MAP3K4: variants seen among roughly 807,000 people sequenced by gnomAD.
MAP3K4 encodes mitogen-activated protein kinase kinase kinase 4.
Under a neutral mutation model 185.6 loss-of-function variants are expected in MAP3K4, and 67 were observed. The observed-to-expected ratio is 0.36, with a 90% CI of 0.30 to 0.44. The LOEUF is 0.44. Ranked by LOEUF, MAP3K4 falls within the 20% of genes least tolerant of loss-of-function variation. The pLI is 1.00. For synonymous variants in MAP3K4, 702 were observed against 710.4 expected, an observed-to-expected ratio of 0.99 and a Z score of 0.19; for missense variants, 1,551 against 1,995.1, an observed-to-expected ratio of 0.78 and a Z score of 4.24.
In MAP3K4 at chr6:161,064,898, C is replaced by T. The variant is rs1422850483; in HGVS notation, c.1708-5710C>T. Among the ~76,000 whole-genome samples the T allele has an allele frequency of 1.3e-5, 2 of 152,132 alleles. No homozygotes were observed. Among genetic ancestry groups the T allele is most frequent in the Non-Finnish European group, 2.9e-5 (2 of 68,024 alleles). On this transcript the variant is annotated intron_variant, in intron 3 of 26. Coordinates refer to ENST00000392142, the MANE Select transcript of MAP3K4 (RefSeq NM_005922.4). This position sits in a 1 kb window ranked among gnomAD's most constrained non-coding sequence, Gnocchi z 4.3. Reference sequence around the variant, plus strand: ...GGGAGAGAGGGAGGGACCCATGGGCCAATGCCTTCGTGGAGTCCAAGGTAT... The same window carrying T: ...GGGAGAGAGGGAGGGACCCATGGGCTAATGCCTTCGTGGAGTCCAAGGTAT...
At chr6:161,059,142 AT>A (rs140627063) in intron 3 of MAP3K4, among the ~76,000 whole-genome samples, 21 of 150,038 alleles carry the variant, frequency 1.4e-4, no homozygotes, top group African/African-American at 4.9e-4. Context: ...TGATTGATTG[AT>A]TTTTTTTTTT....
At chr6:160,992,429 A>G (rs1295612131) in intron 1 of MAP3K4, 4 of 360,316 alleles carry the variant, frequency 1.1e-5, no homozygotes, top group Non-Finnish European at 2.0e-5. Flanking sequence ...GGCCTCACTG[A>G]AGTGCCTCTC....
chr6:161,016,595 T>G (rs1349031122), intron 1 of MAP3K4, among the ~76,000 whole-genome samples: 1 of 152,244 alleles, frequency 6.6e-6, no homozygotes, highest in Non-Finnish European at 1.5e-5. Context: ...TTAAAAAGAC[T>G]GTCCTTTTCC....
Position 161,086,729 on chromosome 6 carries a change from C to A in MAP3K4, c.2556+62C>A. The stretch of plus-strand genomic sequence containing the variant: ...CTTTCCTTCTTTATTCTAAAACAGG[C>A]AGACTTTTTCTTGAAGGTCCAGATA... On this transcript the variant is annotated intron_variant, in intron 9 of 26. Transcript: ENST00000392142. This position sits in a 1 kb window ranked among gnomAD's most constrained non-coding sequence, Gnocchi z 4.8. 7.3e-7 allele frequency: 1 copy of A among 1,367,058 alleles called. No individual in the cohort carries two copies. The highest frequency in any genetic ancestry group is 1.3e-5 in the South Asian group (1 of 79,464). The allele number at this position is 1,367,058 out of a possible 1,614,324, so 84.7% of individuals were successfully genotyped here. A position where few individuals can be genotyped will look rare whatever the true frequency, so the allele number is the denominator to read the frequency against.
Position 161,073,764 on chromosome 6 carries a change from T to A in MAP3K4, c.2097+152T>A. Reference sequence around the variant, plus strand: ...ATTATAGAAATGATCCCTGAAAGTATAGCTTGTGTGTGTGTATTGCGGAGG... The same window carrying A: ...ATTATAGAAATGATCCCTGAAAGTAAAGCTTGTGTGTGTGTATTGCGGAGG... On this transcript the variant is annotated intron_variant, in intron 5 of 26. Transcript: ENST00000392142. This position sits in a 1 kb window ranked among gnomAD's most constrained non-coding sequence, Gnocchi z 4.2. The A allele has an allele frequency of 1.2e-6, 1 of 812,844 alleles. No individual in the cohort carries two copies. Among genetic ancestry groups the A allele is most frequent in the Non-Finnish European group, 1.8e-6 (1 of 548,402 alleles). 50.4% of individuals were successfully genotyped at this position (812,844 alleles called of 1,614,324 possible).
At chr6:161,040,267 A>G (rs1024367604) in intron 2 of MAP3K4, among the ~76,000 whole-genome samples, 2 of 152,218 alleles carry the variant, frequency 1.3e-5, no homozygotes, top group African/African-American at 2.4e-5. Flanking sequence ...TATGAAATTT[A>G]CTGGAAATAT....
chr6:161,093,144 GT>G lies in MAP3K4; in HGVS notation c.3348+95del, dbSNP rs903580772. 10 of 849,216 alleles carry G rather than the reference GT, an allele frequency of 1.2e-5. No homozygotes were observed. Among genetic ancestry groups the G allele is most frequent in the Middle Eastern group, 3.4e-4 (1 of 2,982 alleles). 52.6% of individuals were successfully genotyped at this position (849,216 alleles called of 1,614,324 possible). ...TGTATATGTTTTATATGTAATAGTG[GT>G]TTTTTTCATGAGATATTAATCTCAG... On this transcript the variant is annotated intron_variant, in intron 14 of 26. Coordinates refer to ENST00000392142, the MANE Select transcript of MAP3K4 (RefSeq NM_005922.4). The surrounding 1 kb of genome is among the most constrained non-coding windows in gnomAD (Gnocchi z 5.2).
rs909755516 is a variant in MAP3K4 at position 161,115,026 on chromosome 6, T to C, written c.4627-97T>C. On this transcript the variant is annotated intron_variant, in intron 25 of 26. Transcript: ENST00000392142. The surrounding 1 kb of genome is among the most constrained non-coding windows in gnomAD (Gnocchi z 6.0). Reference sequence around the variant, plus strand: ...AGTAAAAATTTGCTGTCCCCTGATATATATTAATGATGAGATGCTTAAAAA... The same window carrying C: ...AGTAAAAATTTGCTGTCCCCTGATACATATTAATGATGAGATGCTTAAAAA... 13 of 1,105,226 alleles carry C rather than the reference T, an allele frequency of 1.2e-5. No homozygotes were observed. Among genetic ancestry groups the C allele is most frequent in the African/African-American group, 3.1e-5 (2 of 63,938 alleles). The allele number at this position is 1,105,226 out of a possible 1,614,324, so 68.5% of individuals were successfully genotyped here. A position where few individuals can be genotyped will look rare whatever the true frequency, so the allele number is the denominator to read the frequency against.
chr6:161,080,510 G>T lies in MAP3K4; in HGVS notation c.2098-371G>T, dbSNP rs531122099. Among the ~76,000 whole-genome samples the T allele has an allele frequency of 6.6e-6, 1 of 152,256 alleles. No homozygotes were observed. Among genetic ancestry groups the T allele is most frequent in the South Asian group, 2.1e-4 (1 of 4,824 alleles). Reference sequence around the variant, plus strand: ...AAGGCACCATTTCAAGCTAAAGTAGGTCATTAAGTGAAGATCCTAACCTCT... The same window carrying T: ...AAGGCACCATTTCAAGCTAAAGTAGTTCATTAAGTGAAGATCCTAACCTCT... On this transcript the variant is annotated intron_variant, in intron 5 of 26. Transcript: ENST00000392142. The surrounding 1 kb of genome is among the most constrained non-coding windows in gnomAD (Gnocchi z 4.8).
rs983036105 is a variant in MAP3K4 at position 161,007,906 on chromosome 6, A to G, written c.152+15823A>G. ...TTATATCAGTTGTAGGGTACGGTGA[A>G]ATATCAGAGATGTTAAAATTAGGGA... On this transcript the variant is annotated intron_variant, in intron 1 of 26. Transcript: ENST00000392142. The surrounding 1 kb of genome is among the most constrained non-coding windows in gnomAD (Gnocchi z 4.5). 6.6e-6 allele frequency among the ~76,000 whole-genome samples: 1 copy of G among 152,252 alleles called. No individual in the cohort carries two copies. The highest frequency in any genetic ancestry group is 1.5e-5 in the Non-Finnish European group (1 of 68,042).
chr6:161,055,004 T>C (rs1784170827), intron 3 of MAP3K4, among the ~76,000 whole-genome samples: 1 of 152,238 alleles, frequency 6.6e-6, no homozygotes, highest in Non-Finnish European at 1.5e-5. Flanking sequence ...CAGGATCTTA[T>C]TGTTTGTACT....
intron 1 of MAP3K4, among the ~76,000 whole-genome samples, chr6:160,997,902 T>C (rs1366765385): frequency 6.6e-6 from 1 of 152,170 alleles, no homozygotes; most frequent in Non-Finnish European, 1.5e-5. Context: ...AAGTATAGGC[T>C]GAGAATTCAT....
intron 3 of MAP3K4, among the ~76,000 whole-genome samples, chr6:161,069,922 G>C (rs1179143805): frequency 6.6e-6 from 1 of 151,944 alleles, no homozygotes; most frequent in Non-Finnish European, 1.5e-5. Flanking sequence ...CAACATTCCA[G>C]ATCCCCTACT....
chr6:161,092,946 T>G (rs1048866024), intron 13 of MAP3K4, 32 bp from the exon 14 acceptor site: 2 of 1,366,488 alleles, frequency 1.5e-6, no homozygotes, highest in African/African-American at 1.4e-5. Context: ...TTCTTGGTTG[T>G]TATGTGATTA....
At chr6:161,038,602 ATTG>A (rs1562497453) in intron 2 of MAP3K4, among the ~76,000 whole-genome samples, 3 of 152,210 alleles carry the variant, frequency 2.0e-5, no homozygotes, top group African/African-American at 7.2e-5. Flanking sequence ...CAGATTATCT[ATTG>A]TTGTGTAACA....
At chr6:161,021,016 C>G (rs1431163334) in intron 1 of MAP3K4, among the ~76,000 whole-genome samples, 1 of 152,020 alleles carries the variant, frequency 6.6e-6, no homozygotes, top group Non-Finnish European at 1.5e-5. Context: ...TTTATTTTTT[C>G]TTCTAAAATT....
At chr6:161,044,639 G>C (rs1445453059) in intron 2 of MAP3K4, among the ~76,000 whole-genome samples, 2 of 152,192 alleles carry the variant, frequency 1.3e-5, no homozygotes, top group African/African-American at 2.4e-5. Context: ...TTTACTCTCT[G>C]TGTCAGTCCA....
chr6:160,995,555 G>A (rs191331233), intron 1 of MAP3K4, among the ~76,000 whole-genome samples: 1 of 152,332 alleles, frequency 6.6e-6, no homozygotes, highest in Non-Finnish European at 1.5e-5. Context: ...CACAAAACAG[G>A]CAGAGAGGTC....
At chr6:161,083,595 C>T (rs1274475606) in intron 6 of MAP3K4, among the ~76,000 whole-genome samples, 1 of 152,222 alleles carries the variant, frequency 6.6e-6, no homozygotes, top group Non-Finnish European at 1.5e-5. Flanking sequence ...ATACCCACTA[C>T]TCTTCAGATT....
Sources: gnomAD v4.1 joint callset for allele counts (sites outside exome capture counted in the v4.1 genomes callset) on GRCh38, gnomAD v4.1.1 for gene constraint, Gnocchi (gnomAD v3.1) non-coding constraint, MANE v1.5 for transcripts, NCBI Gene and HGNC (gene_info 2026-07-23, HGNC 2026-07-21) for gene names.